The following MAN1B1 variants were observed in gnomAD, a reference collection of about 807,000 sequenced individuals.
MAN1B1 encodes mannosidase alpha class 1B member 1.
MAN1B1 carries 66 observed loss-of-function variants against 75.5 expected under a neutral mutation model. The observed-to-expected ratio is 0.87, with a 90% CI of 0.72 to 1.07. MAN1B1 has a LOEUF of 1.07. MAN1B1 is among the 50% of genes least tolerant of loss of function. The pLI is 0.00. For missense variants in MAN1B1, 973 were observed against 912.5 expected, an observed-to-expected ratio of 1.07 and a Z score of -0.85; for synonymous variants, 453 against 382.8, an observed-to-expected ratio of 1.18 and a Z score of -2.14.
At chr9:137,104,825 T>C (rs1169430685) in intron 8 of MAN1B1, 1 of 151,582 alleles carries the variant, frequency 6.6e-6, no homozygotes, top group Non-Finnish European at 1.5e-5. Flanking sequence ...TGAGGCTGTG[T>C]TTTGGGTGTT....
At chr9:137,107,194 C>T in intron 10 of MAN1B1, 56 bp from the exon 11 acceptor site, 1 of 1,579,094 alleles carries the variant, frequency 6.3e-7, no homozygotes, top group East Asian at 2.3e-5. Flanking sequence ...GCCCGTGCAG[C>T]TGCAGGCTGA....
intron 3 of MAN1B1, 58 bp from the exon 4 acceptor site, chr9:137,096,179 G>T: frequency 6.3e-7 from 1 of 1,599,402 alleles, no homozygotes; most frequent in Non-Finnish European, 8.6e-7. Context: ...CCCATAGAGG[G>T]AAAGAAGGGC....
rs1294020424 is a variant in MAN1B1, at chr9:137,106,204, C to A, written c.1334C>A (p.Thr445Asn). The A allele has an allele frequency of 6.2e-7, 1 of 1,611,438 alleles. No homozygotes were observed. The highest frequency in any genetic ancestry group is 1.1e-5 in the South Asian group (1 of 90,504). ...GGGCTGGTGCCCATGTTCATCAATA[C>A]CCACAGTGGCCTCTTCACCCACCTG... ...KDGLVPMFIN[T>N]HSGLFTHLGV... Residue 445 changes from threonine (T) to asparagine (N), a missense_variant, in exon 9 of 13, where the codon ACC (threonine) becomes AAC (asparagine). Coordinates refer to ENST00000371589, the MANE Select transcript of MAN1B1 (RefSeq NM_016219.5).
intron 8 of MAN1B1, chr9:137,105,779 T>C: frequency 4.3e-6 from 2 of 466,480 alleles, no homozygotes; most frequent in Non-Finnish European, 8.3e-6. Context: ...GAGCCATGGC[T>C]GACGGCCAGG....
chr9:137,091,521 ATTT>A (rs964752016), intron 3 of MAN1B1, among the ~76,000 whole-genome samples: 7 of 89,918 alleles, frequency 7.8e-5, no homozygotes, highest in Admixed American at 1.4e-4. Flanking sequence ...TTTGTTTTAT[ATTT>A]TTTTTTTTTT....
intron 3 of MAN1B1, among the ~76,000 whole-genome samples, chr9:137,090,556 T>C (rs1830488963): frequency 1.3e-5 from 2 of 151,774 alleles, no homozygotes; most frequent in Admixed American, 6.5e-5. Context: ...TTTTTTTTTT[T>C]CGAGGCGGAA....
intron 3 of MAN1B1, chr9:137,094,277 A>G (rs1275928109): frequency 5.0e-6 from 1 of 201,910 alleles, no homozygotes; most frequent in Non-Finnish European, 1.1e-5. Flanking sequence ...GGCCTCCCAA[A>G]GTGCTAGGAT....
Position 137,086,987 on chromosome 9 carries a change from T to C in MAN1B1, c.-13T>C. On this transcript the variant is annotated 5_prime_UTR_variant, in exon 1 of 13. Transcript: ENST00000371589. ...CGTATCCGTGTGATGGGCGGGCTGT[T>C]GACGGCGCTGCGATGGCTGCCTGCG... 6.3e-7 allele frequency: 1 copy of C among 1,582,594 alleles called. No homozygotes were observed. Among genetic ancestry groups the C allele is most frequent in the Non-Finnish European group, 8.6e-7 (1 of 1,166,412 alleles).
chr9:137,109,091 G>A lies in MAN1B1; in HGVS notation c.*500G>A. 2.2e-6 allele frequency: 1 copy of A among 455,610 alleles called. No individual in the cohort carries two copies. The highest frequency in any genetic ancestry group is 2.3e-5 in the Admixed American group (1 of 42,584). The allele number at this position is 455,610 out of a possible 1,614,324, so 28.2% of individuals were successfully genotyped here. On this transcript the variant is annotated 3_prime_UTR_variant, in exon 13 of 13. Coordinates refer to ENST00000371589, the MANE Select transcript of MAN1B1 (RefSeq NM_016219.5). ...GGATCCTCCTGGCCGCCCCGCAGGG[G>A]GCTTGGAGGGCTGGACGGCAAGTCC...
intron 3 of MAN1B1, among the ~76,000 whole-genome samples, chr9:137,094,012 A>G (rs1389940256): frequency 1.4e-5 from 2 of 147,244 alleles, no homozygotes; most frequent in Admixed American, 6.7e-5. Flanking sequence ...CATTGAACCC[A>G]TGGTGATTTT....
At position 137,109,130 on chromosome 9, in the gene MAN1B1, G is replaced by A. The variant is rs956869938; in HGVS notation, c.*539G>A. 3 of 454,926 alleles carry A rather than the reference G, an allele frequency of 6.6e-6. No individual in the cohort carries two copies. Among genetic ancestry groups the A allele is most frequent in the African/African-American group, 2.0e-5 (1 of 50,150 alleles). 28.2% of individuals were successfully genotyped at this position (454,926 alleles called of 1,614,324 possible). ...GACGGCAAGTCCGTCTAGCTCACGG[G>A]CCCCTCCAGTGGAATGGGTCTTTTC... On this transcript the variant is annotated 3_prime_UTR_variant, in exon 13 of 13. Coordinates refer to ENST00000371589, the MANE Select transcript of MAN1B1 (RefSeq NM_016219.5).
At chr9:137,100,859 A>G (rs908362358) in intron 6 of MAN1B1, 146 bp from the exon 7 acceptor site, 29 of 854,936 alleles carry the variant, frequency 3.4e-5, no homozygotes, top group South Asian at 1.7e-4. Context: ...GGCTCAAGCA[A>G]TCCACTTGCC....
chr9:137,087,766 C>A (rs1321622261), intron 1 of MAN1B1, among the ~76,000 whole-genome samples: 1 of 152,220 alleles, frequency 6.6e-6, no homozygotes, highest in Non-Finnish European at 1.5e-5. Context: ...ATCCTCGTCT[C>A]ATCTGCACCA....
At position 137,101,012 on chromosome 9, in the gene MAN1B1, G is replaced by A. The variant is rs1280918925; in HGVS notation, c.924G>A (p.Glu308=). The change falls in exon 7 of 13, where the codon GAG becomes GAA. Residue 308 remains glutamate, a synonymous_variant. Transcript: ENST00000371589. ...MWILGLRKEF[E]EARKWVSKKL... Reference sequence around the variant, plus strand: ...TACTGTTTTATGTCATAGAATTTGAGGAAGCCAGGAAGTGGGTGTCGAAGA... The same window carrying A: ...TACTGTTTTATGTCATAGAATTTGAAGAAGCCAGGAAGTGGGTGTCGAAGA... 1 of 1,614,160 alleles carries A rather than the reference G, an allele frequency of 6.2e-7. No homozygotes were observed. The highest frequency in any genetic ancestry group is 1.1e-5 in the South Asian group (1 of 91,086).
intron 4 of MAN1B1, among the ~76,000 whole-genome samples, chr9:137,097,021 G>A (rs549547027): frequency 6.6e-6 from 1 of 152,358 alleles, no homozygotes; most frequent in East Asian, 1.9e-4. Flanking sequence ...TGTCCGCCGT[G>A]AGAGATGGGC....
rs1399008211 is a variant in MAN1B1 at position 137,106,187 on chromosome 9, G to T, written c.1317G>T (p.Val439=). The part of the protein sequence containing the change: ...HGLSGKKDGL[V]PMFINTHSGL... ...TGTCTGGGAAGAAGGATGGGCTGGT[G>T]CCCATGTTCATCAATACCCACAGTG... is the stretch of plus-strand genomic sequence containing the variant. The change falls in exon 9 of 13, where the codon GTG becomes GTT. Residue 439 remains valine (V), a synonymous_variant. Coordinates refer to ENST00000371589, the MANE Select transcript of MAN1B1 (RefSeq NM_016219.5). The T allele has an allele frequency of 1.9e-6, 3 of 1,612,578 alleles. No individual in the cohort carries two copies. In the South Asian group the frequency reaches 3.3e-5, roughly 18 times the overall value.
At chr9:137,091,772 C>T (rs752343955) in intron 3 of MAN1B1, among the ~76,000 whole-genome samples, 5 of 151,680 alleles carry the variant, frequency 3.3e-5, no homozygotes, top group South Asian at 2.1e-4. Flanking sequence ...GTGATCTGCC[C>T]GCCTCAGCCT....
intron 3 of MAN1B1, among the ~76,000 whole-genome samples, chr9:137,090,305 G>A (rs1306476177): frequency 1.3e-5 from 2 of 152,156 alleles, no homozygotes; most frequent in Non-Finnish European, 2.9e-5. Context: ...TGCCTTGGGA[G>A]CTTCACCTGT....
chr9:137,097,804 G>A, intron 4 of MAN1B1, 24 bp from the exon 5 acceptor site: 2 of 1,516,322 alleles, frequency 1.3e-6, no homozygotes, highest in Non-Finnish European at 1.8e-6. Context: ...GACGGCAGCT[G>A]ACACCCTTCC....
Sources: gnomAD v4.1 joint callset for allele counts (sites outside exome capture counted in the v4.1 genomes callset) on GRCh38, gnomAD v4.1.1 for gene constraint, MANE v1.5 for transcripts, NCBI Gene and HGNC (gene_info 2026-07-23, HGNC 2026-07-21) for gene names.